Variants in PCDHGA3 observed in about 807,000 individuals in gnomAD.
PCDHGA3 encodes protocadherin gamma subfamily A, 3, also known as protocadherin gamma-A3.
A neutral mutation model predicts 58.5 loss-of-function variants in PCDHGA3; 40 were observed. The ratio of observed to expected loss-of-function variants is 0.68; its 90% CI spans 0.53 to 0.89. The LOEUF is 0.89. PCDHGA3 is among the 40% of genes least tolerant of loss of function. The pLI, the probability that PCDHGA3 is intolerant of heterozygous loss-of-function variation, is 0.00. For missense variants in PCDHGA3, 1,223 were observed against 1,195.9 expected (o/e 1.02, Z -0.33); for synonymous variants, 530 against 525.7 (o/e 1.01, Z -0.11).
intron 1 of PCDHGA3, chr5:141,374,380 C>T (rs1263045322): frequency 1.2e-6 from 2 of 1,613,894 alleles, no homozygotes; most frequent in Non-Finnish European, 1.7e-6. Context: ...GTGCTCAGAG[C>T]CCGCGGTGTC....
intron 2 of PCDHGA3, among the ~76,000 whole-genome samples, chr5:141,504,909 G>C (rs948719729): frequency 6.6e-6 from 1 of 152,002 alleles, no homozygotes; most frequent in Non-Finnish European, 1.5e-5. Context: ...ACTATGACAG[G>C]AAGCCAGGCT....
intron 1 of PCDHGA3, chr5:141,352,291 C>T (rs747203804): frequency 1.2e-5 from 20 of 1,614,082 alleles, no homozygotes; most frequent in South Asian, 3.3e-5. Flanking sequence ...GCCCTGAGCC[C>T]TCTGACCCCC....
At position 141,476,172 on chromosome 5, in the gene PCDHGA3, T is replaced by C; in HGVS notation, c.2425-18635T>C. 6.2e-7 allele frequency: 1 copy of C among 1,612,930 alleles called. No individual in the cohort carries two copies. The highest frequency in any genetic ancestry group is 1.1e-5 in the South Asian group (1 of 91,026). On this transcript the variant is annotated intron_variant, in intron 1 of 3. Coordinates refer to ENST00000253812, the MANE Select transcript of PCDHGA3 (RefSeq NM_018916.4). This position sits in a 1 kb window ranked among gnomAD's most constrained non-coding sequence, Gnocchi z 7.6. ...GTAAGCACCGGGAGGGTAGTGGGAG[T>C]TTTGCTTCTGCTTGGTGCCTTGAAC...
At chr5:141,434,763 C>T (rs2097714876) in intron 1 of PCDHGA3, among the ~76,000 whole-genome samples, 1 of 151,296 alleles carries the variant, frequency 6.6e-6, no homozygotes, top group South Asian at 2.1e-4. Flanking sequence ...TTCCCCACTT[C>T]ACACTTCTAA....
In PCDHGA3 at chr5:141,487,761, C is replaced by T. The variant is rs1331182183; in HGVS notation, c.2425-7046C>T. Reference sequence around the variant, plus strand: ...GTAAGAGGTAACTATGTGGTAGACGCTGTGCTTTGTAACTGTTTCGTGAAT... The same window carrying T: ...GTAAGAGGTAACTATGTGGTAGACGTTGTGCTTTGTAACTGTTTCGTGAAT... On this transcript the variant is annotated intron_variant, in intron 1 of 3. Coordinates refer to ENST00000253812, the MANE Select transcript of PCDHGA3 (RefSeq NM_018916.4). The surrounding 1 kb of genome is among the most constrained non-coding windows in gnomAD (Gnocchi z 5.0). 3.2e-6 allele frequency: 5 copies of T among 1,545,926 alleles called. No individual in the cohort carries two copies. Among genetic ancestry groups the T allele is most frequent in the South Asian group, 1.2e-5 (1 of 83,534 alleles).
chr5:141,402,209 T>A (rs2094239307), intron 1 of PCDHGA3, among the ~76,000 whole-genome samples: 1 of 152,084 alleles, frequency 6.6e-6, no homozygotes, highest in Non-Finnish European at 1.5e-5. Context: ...AATACAAAAA[T>A]TTAAAATAAA....
At chr5:141,383,201 G>C in intron 1 of PCDHGA3, 3 of 1,614,000 alleles carry the variant, frequency 1.9e-6, no homozygotes, top group Non-Finnish European at 2.5e-6. Flanking sequence ...CAGAGTGCGC[G>C]GTGTCTGGTA....
At chr5:141,418,667 G>A (rs1561775322) in intron 1 of PCDHGA3, 1 of 1,614,036 alleles carries the variant, frequency 6.2e-7, no homozygotes, top group Admixed American at 1.7e-5. Flanking sequence ...CACTGACCAG[G>A]ACGAGGGCAT....
chr5:141,380,340 TG>T (rs1383873697), intron 1 of PCDHGA3, among the ~76,000 whole-genome samples: 2 of 152,164 alleles, frequency 1.3e-5, no homozygotes, highest in Non-Finnish European at 2.9e-5. Flanking sequence ...TTCAAAGAAC[TG>T]TTTTGTTGTT....
At chr5:141,409,067 A>G (rs2095219315) in intron 1 of PCDHGA3, 2 of 1,614,034 alleles carry the variant, frequency 1.2e-6, no homozygotes, top group South Asian at 2.2e-5. Context: ...CCAGAGCACA[A>G]AACATATGTT....
chr5:141,471,786 A>AT (rs531568169), intron 1 of PCDHGA3, among the ~76,000 whole-genome samples: 23 of 152,362 alleles, frequency 1.5e-4, no homozygotes, highest in African/African-American at 5.5e-4. Flanking sequence ...ACATTATGCT[A>AT]TGTCATATAA....
rs759272109 is a variant in PCDHGA3, at chr5:141,420,170, G to A, written c.2424+73713G>A. ...TCCAGAATTTAATTTTTTCACATCTGTTGATCATTGTCCAGCCACACAAGA... is the reference window on the plus strand; with the variant it reads ...TCCAGAATTTAATTTTTTCACATCTATTGATCATTGTCCAGCCACACAAGA... On this transcript the variant is annotated intron_variant, in intron 1 of 3. Coordinates refer to ENST00000253812, the MANE Select transcript of PCDHGA3 (RefSeq NM_018916.4). 22 of 1,613,846 alleles carry A rather than the reference G, an allele frequency of 1.4e-5. No homozygotes were observed. Among genetic ancestry groups the A allele is most frequent in the Non-Finnish European group, 1.8e-5 (21 of 1,179,888 alleles).
chr5:141,361,040 C>T (rs750073404), intron 1 of PCDHGA3: 3 of 1,613,220 alleles, frequency 1.9e-6, no homozygotes, highest in East Asian at 2.2e-5. Flanking sequence ...GGAGAAATCA[C>T]GACAAAGGAT....
intron 1 of PCDHGA3, among the ~76,000 whole-genome samples, chr5:141,347,637 A>G (rs1050531280): frequency 6.6e-6 from 1 of 152,108 alleles, no homozygotes; most frequent in African/African-American, 2.4e-5. Flanking sequence ...AAATACAAAA[A>G]TTAGCTGGGC....
At chr5:141,420,018 G>A (rs2096458708) in intron 1 of PCDHGA3, 2 of 1,613,948 alleles carry the variant, frequency 1.2e-6, no homozygotes, top group African/African-American at 1.3e-5. Flanking sequence ...CAGTCTTTCA[G>A]CCCTACTGCA....
At position 141,343,997 on chromosome 5, in the gene PCDHGA3, G is replaced by C; in HGVS notation, c.-37G>C. 2 of 1,490,782 alleles carry C rather than the reference G, an allele frequency of 1.3e-6. No individual in the cohort carries two copies. The highest frequency in any genetic ancestry group is 3.7e-4 in the Middle Eastern group (2 of 5,452). 92.3% of individuals were successfully genotyped at this position (1,490,782 alleles called of 1,614,324 possible). On this transcript the variant is annotated 5_prime_UTR_variant, in exon 1 of 4. Transcript: ENST00000253812. ...GATTGGAGTCCGTCGTAGGAAACTG[G>C]AACCGAATTCAGAGAAAGCGATTCA...
intron 1 of PCDHGA3, chr5:141,372,770 C>A (rs776185691): frequency 6.2e-7 from 1 of 1,611,252 alleles, no homozygotes; most frequent in Non-Finnish European, 8.5e-7. Context: ...AAAGTAATGA[C>A]AATCCAGAAA....
chr5:141,355,695 C>G (rs1485477328), intron 1 of PCDHGA3: 1 of 1,614,008 alleles, frequency 6.2e-7, no homozygotes, highest in Non-Finnish European at 8.5e-7. Flanking sequence ...TAGGTGTAAA[C>G]TCCCTGCAGG....
rs201022484 is a variant in PCDHGA3, at chr5:141,376,043, C to T, written c.2424+29586C>T. On this transcript the variant is annotated intron_variant, in intron 1 of 3. Coordinates refer to ENST00000253812, the MANE Select transcript of PCDHGA3 (RefSeq NM_018916.4). ...CGTCCAGGACCACGGCCAGCCCCCTCTCTCCGCCACTGTCACGCTCACCGT... is the reference window on the plus strand; with the variant it reads ...CGTCCAGGACCACGGCCAGCCCCCTTTCTCCGCCACTGTCACGCTCACCGT... 7.1e-4 allele frequency: 1,140 copies of T among 1,613,172 alleles called. 2 individuals carry two copies. Among genetic ancestry groups the T allele is most frequent in the Non-Finnish European group, 8.8e-4 (1,041 of 1,179,846 alleles).
Sources: allele counts gnomAD v4.1 joint callset (sites outside exome capture counted in the v4.1 genomes callset), GRCh38; gene constraint gnomAD v4.1.1; non-coding constraint Gnocchi (gnomAD v3.1); transcripts MANE v1.5; gene names NCBI Gene and HGNC (gene_info 2026-07-23, HGNC 2026-07-21).